Variants in NSMAF observed in about 807,000 individuals in gnomAD.
The protein encoded by NSMAF is neutral sphingomyelinase activation associated factor.
NSMAF carries 90 observed loss-of-function variants against 134.9 expected under a neutral mutation model. That is an observed-to-expected ratio of 0.67 (90% CI 0.56 to 0.79). The LOEUF (loss-of-function observed/expected upper bound fraction) is 0.79. Among genes scored for constraint, NSMAF ranks in the 30% least tolerant of loss-of-function variants. The pLI, the probability that NSMAF is intolerant of heterozygous loss-of-function variation, is 0.00. For missense variants in NSMAF, 1,010 were observed against 1,119.0 expected (o/e 0.90, Z 1.39); for synonymous variants, 358 against 389.6 (o/e 0.92, Z 0.96).
intron 9 of NSMAF, among the ~76,000 whole-genome samples, chr8:58,612,783 G>T (rs1464148997): frequency 1.3e-5 from 2 of 152,102 alleles, no homozygotes; most frequent in African/African-American, 4.8e-5. Context: ...GATCACTGAG[G>T]TGTTCTGTGT....
Position 58,659,694 on chromosome 8 carries a change from G to A in NSMAF, c.-63C>T. ...GGCCCCGCCGCCGCCTGCCGAGGAG[G>A]TCCGGAGGAGCCGGGGAGGGCGGGA... On this transcript the variant is annotated 5_prime_UTR_variant, in exon 1 of 31. Coordinates refer to ENST00000038176, the MANE Select transcript of NSMAF (RefSeq NM_003580.4). The A allele has an allele frequency of 3.1e-6, 4 of 1,283,762 alleles. No homozygotes were observed. The highest frequency in any genetic ancestry group is 3.0e-6 in the Non-Finnish European group (3 of 996,212). The allele number at this position is 1,283,762 out of a possible 1,614,324, so 79.5% of individuals were successfully genotyped here.
chr8:58,598,508 A>G (rs944634462), intron 19 of NSMAF, among the ~76,000 whole-genome samples: 10 of 143,430 alleles, frequency 7.0e-5, no homozygotes, highest in East Asian at 4.0e-4. Context: ...AAAAAAAAAA[A>G]AAAGAAAAAA....
intron 2 of NSMAF, among the ~76,000 whole-genome samples, chr8:58,641,004 C>A (rs1344957902): frequency 6.6e-6 from 1 of 152,156 alleles, no homozygotes. Flanking sequence ...TCACTGCAAC[C>A]TCCGCCTCCC....
intron 20 of NSMAF, 24 bp from the exon 21 acceptor site, chr8:58,597,574 G>A: frequency 4.3e-6 from 7 of 1,610,922 alleles, no homozygotes; most frequent in Non-Finnish European, 5.9e-6. Context: ...CACAAATAAT[G>A]CAGTGAACCA....
chr8:58,622,424 C>T (rs963643909), intron 9 of NSMAF, among the ~76,000 whole-genome samples: 2 of 151,274 alleles, frequency 1.3e-5, no homozygotes, highest in African/African-American at 4.9e-5. Flanking sequence ...GATGGAGTCT[C>T]GCACTGTCAC....
At chr8:58,634,400 T>C (rs1043803166) in intron 5 of NSMAF, among the ~76,000 whole-genome samples, 4 of 152,196 alleles carry the variant, frequency 2.6e-5, no homozygotes, top group African/African-American at 7.2e-5. Flanking sequence ...CTAGGGACAC[T>C]CTGGTCTGTT....
intron 21 of NSMAF, among the ~76,000 whole-genome samples, chr8:58,596,612 A>C (rs1806140600): frequency 6.6e-6 from 1 of 152,230 alleles, no homozygotes; most frequent in African/African-American, 2.4e-5. Flanking sequence ...AATCCAATGA[A>C]GAAGAGAGAG....
chr8:58,616,893 G>T (rs1019162886), intron 9 of NSMAF, among the ~76,000 whole-genome samples: 2 of 151,948 alleles, frequency 1.3e-5, no homozygotes, highest in Non-Finnish European at 2.9e-5. Context: ...AGTATACAAG[G>T]CCAATTAAAA....
intron 9 of NSMAF, among the ~76,000 whole-genome samples, chr8:58,618,166 T>A (rs1171164403): frequency 6.6e-6 from 1 of 151,790 alleles, no homozygotes; most frequent in African/African-American, 2.4e-5. Flanking sequence ...TGTCGTGGGG[T>A]GGGGAGCCGG....
chr8:58,635,205 G>A lies in NSMAF; in HGVS notation c.317C>T (p.Ser106Leu), dbSNP rs762915291. 2 of 1,610,822 alleles carry A rather than the reference G, an allele frequency of 1.2e-6. No individual in the cohort carries two copies. Among genetic ancestry groups the A allele is most frequent in the East Asian group, 4.5e-5 (2 of 44,778 alleles). ...HFTKAKSGGI[S>L]LIFSQVYFIK... ...TGTGCTTACCTGACTGAAAATGAGT[G>A]AAATACCCCCAGATTTTGCCCTAAA... The change falls in exon 5 of 31, where the codon TCA (serine) becomes TTA (leucine). Residue 106 changes from serine (S) to leucine (L), a missense_variant. Transcript: ENST00000038176.
intron 9 of NSMAF, among the ~76,000 whole-genome samples, chr8:58,622,357 C>CA (rs1160793542): frequency 3.9e-5 from 6 of 152,000 alleles, no homozygotes; most frequent in African/African-American, 1.5e-4. Context: ...CCTTGCCTCT[C>CA]AAGTAGCTGG....
At chr8:58,608,024 T>C (rs923674344) in intron 10 of NSMAF, among the ~76,000 whole-genome samples, 184 bp from the exon 11 acceptor site, 7 of 152,258 alleles carry the variant, frequency 4.6e-5, no homozygotes, top group Non-Finnish European at 8.8e-5. Flanking sequence ...TTTCACTAGC[T>C]TTATGACCTT....
chr8:58,620,471 C>G (rs1806761987), intron 9 of NSMAF, among the ~76,000 whole-genome samples: 1 of 152,110 alleles, frequency 6.6e-6, no homozygotes, highest in African/African-American at 2.4e-5. Flanking sequence ...GGTGTTTAGG[C>G]TTTATCCTGA....
At position 58,590,203 on chromosome 8, in the gene NSMAF, C is replaced by T. The variant is rs1359157345; in HGVS notation, c.2020-129G>A. 1.9e-5 allele frequency: 14 copies of T among 751,012 alleles called. No individual in the cohort carries two copies. In the East Asian group the frequency reaches 1.9e-4, roughly 10 times the overall value. The allele number at this position is 751,012 out of a possible 1,614,324, so 46.5% of individuals were successfully genotyped here. ...CTTTATGTGGCTCTCCTCCTATTTACGCAGATTTTCTCAACTGGCTAATTC... is the reference window on the plus strand; with the variant it reads ...CTTTATGTGGCTCTCCTCCTATTTATGCAGATTTTCTCAACTGGCTAATTC... On this transcript the variant is annotated intron_variant, in intron 24 of 30. Coordinates refer to ENST00000038176, the MANE Select transcript of NSMAF (RefSeq NM_003580.4).
At chr8:58,615,145 A>T (rs1406752966) in intron 9 of NSMAF, among the ~76,000 whole-genome samples, 2 of 152,188 alleles carry the variant, frequency 1.3e-5, no homozygotes, top group Non-Finnish European at 2.9e-5. Context: ...TTAAGAAGAC[A>T]TTACGCATCT....
rs572576490 is a variant in NSMAF, at chr8:58,613,714, CTATTA to C, written c.558-3986_558-3982del. ...TTTTCTATAAGTAGATACATAAATA[CTATTA>C]TATTATAATTGCCTATAGCATTTAG... is the stretch of plus-strand genomic sequence containing the variant. On this transcript the variant is annotated intron_variant, in intron 9 of 30. Coordinates refer to ENST00000038176, the MANE Select transcript of NSMAF (RefSeq NM_003580.4). Among the ~76,000 whole-genome samples, 75 of 152,232 alleles carry C rather than the reference CTATTA, an allele frequency of 4.9e-4. 1 individual carries two copies. In the South Asian group the frequency reaches 0.014, roughly 28 times the overall value.
At chr8:58,650,983 G>A (rs1017768343) in intron 1 of NSMAF, among the ~76,000 whole-genome samples, 11 of 152,110 alleles carry the variant, frequency 7.2e-5, no homozygotes, top group African/African-American at 2.7e-4. Flanking sequence ...TGTTATCTTT[G>A]TTCCTCTTTC....
intron 10 of NSMAF, among the ~76,000 whole-genome samples, chr8:58,609,226 A>C (rs1294404343): frequency 6.6e-6 from 1 of 152,248 alleles, no homozygotes; most frequent in East Asian, 1.9e-4. Flanking sequence ...GTGTATATAT[A>C]AGCAAATATA....
At chr8:58,625,348 C>T (rs552708571) in intron 6 of NSMAF, among the ~76,000 whole-genome samples, 1 of 149,388 alleles carries the variant, frequency 6.7e-6, no homozygotes, top group South Asian at 2.1e-4. Flanking sequence ...ATATATACAG[C>T]AATATACCCC....
Sources: allele counts gnomAD v4.1 joint callset (sites outside exome capture counted in the v4.1 genomes callset), GRCh38; gene constraint gnomAD v4.1.1; transcripts MANE v1.5; gene names NCBI Gene and HGNC (gene_info 2026-07-23, HGNC 2026-07-21).